The following CDAN1 variants were observed in gnomAD, a reference collection of about 807,000 sequenced individuals.
CDAN1 encodes the protein codanin 1.
Under a neutral mutation model 139.8 loss-of-function variants are expected in CDAN1, and 107 were observed. That is an observed-to-expected ratio of 0.77 (90% CI 0.65 to 0.90). CDAN1 has a LOEUF of 0.90. CDAN1 is among the 40% of genes least tolerant of loss of function. The pLI is 0.00. For synonymous variants in CDAN1, 776 were observed against 660.6 expected, an observed-to-expected ratio of 1.17 and a Z score of -2.68; for missense variants, 1,667 against 1,575.7, an observed-to-expected ratio of 1.06 and a Z score of -0.98.
intron 6 of CDAN1, 114 bp from the exon 7 acceptor site, chr15:42,734,460 A>C: frequency 1.6e-6 from 2 of 1,285,958 alleles, no homozygotes; most frequent in African/African-American, 1.5e-5. Flanking sequence ...GCAAGCCCAG[A>C]TATGTACTGC....
In CDAN1 at chr15:42,735,683, T is replaced by C. The variant is rs2061678378; in HGVS notation, c.774-4A>G. On this transcript the variant is annotated splice_polypyrimidine_tract_variant and splice_region_variant and intron_variant, in intron 3 of 27. Transcript: ENST00000356231. Reference sequence around the variant, plus strand: ...TGACTGCTGCAGCTGCTTAGAGCTATGGAATAAAGAAATTTCATGAGCAGT... The same window carrying C: ...TGACTGCTGCAGCTGCTTAGAGCTACGGAATAAAGAAATTTCATGAGCAGT... 9 of 1,613,736 alleles carry C rather than the reference T, an allele frequency of 5.6e-6. No homozygotes were observed. Among genetic ancestry groups the C allele is most frequent in the East Asian group, 2.2e-5 (1 of 44,870 alleles).
intron 8 of CDAN1, among the ~76,000 whole-genome samples, chr15:42,733,555 G>T (rs1023606220): frequency 2.6e-5 from 4 of 152,142 alleles, no homozygotes; most frequent in Non-Finnish European, 4.4e-5. Flanking sequence ...GATTACAGGC[G>T]TGAGCCACCA....
intron 2 of CDAN1, 34 bp from the exon 3 acceptor site, chr15:42,736,112 C>A: frequency 6.2e-7 from 1 of 1,610,358 alleles, no homozygotes; most frequent in South Asian, 1.1e-5. Flanking sequence ...TTCTCAAATT[C>A]CTATCTTCAA....
chr15:42,733,139 T>C lies in CDAN1; in HGVS notation c.1415A>G (p.Glu472Gly), dbSNP rs2061638318. ...GCCCTTCTCAAAATCCCAGCCAGGC[T>C]CCTCATGGTGATCTTCCCACTCTCG... ...VLREWEDHHE[E>G]PGWDFEKGLG... is the part of the protein sequence containing the mutation. The change falls in exon 9 of 28, where the codon GAG (glutamate) becomes GGG (glycine). Residue 472 changes from glutamate (E) to glycine (G), a missense_variant. Glu to Gly is a moderately conservative substitution (Grantham distance 98). Coordinates refer to ENST00000356231, the MANE Select transcript of CDAN1 (RefSeq NM_138477.4). The C allele has an allele frequency of 3.7e-6, 6 of 1,613,870 alleles. No individual in the cohort carries two copies. The highest frequency in any genetic ancestry group is 5.1e-6 in the Non-Finnish European group (6 of 1,179,988).
At chr15:42,736,143 C>G (rs2061683968) in intron 2 of CDAN1, 65 bp from the exon 3 acceptor site, 1 of 1,583,778 alleles carries the variant, frequency 6.3e-7, no homozygotes, top group South Asian at 1.1e-5. Context: ...TCCACCACCG[C>G]AACAGCTAGA....
intron 12 of CDAN1, 60 bp from the exon 13 acceptor site, chr15:42,731,131 T>TC (rs1346271445): frequency 2.5e-6 from 4 of 1,614,136 alleles, no homozygotes; most frequent in Non-Finnish European, 3.4e-6. Context: ...CAATTCCCGA[T>TC]CTGTTATAAA....
chr15:42,726,479 G>A, intron 23 of CDAN1, 62 bp from the exon 24 acceptor site: 1 of 1,368,558 alleles, frequency 7.3e-7, no homozygotes, highest in Non-Finnish European at 1.0e-6. Context: ...AGAGAATTTG[G>A]CTTGGGACAG....
intron 25 of CDAN1, 80 bp from the exon 26 acceptor site, chr15:42,725,750 C>T (rs1342766318): frequency 1.1e-5 from 16 of 1,450,926 alleles, no homozygotes; most frequent in Admixed American, 3.7e-5. Context: ...CCCAACACTT[C>T]GGGAGGCTGA....
rs754833176 is a variant in CDAN1, at chr15:42,725,264, C to T, written c.3451-13G>A. On this transcript the variant is annotated splice_polypyrimidine_tract_variant and intron_variant, in intron 26 of 27. Transcript: ENST00000356231. The stretch of plus-strand genomic sequence containing the variant: ...GCAGCAAGTCCCACTGCAAAACACA[C>T]CGAGGTCAGGGTTGCTAGGAGGACG... The T allele has an allele frequency of 3.7e-6, 6 of 1,612,532 alleles. No individual in the cohort carries two copies. The East Asian group carries it at 6.7e-5, about 18-fold the overall frequency.
intron 6 of CDAN1, among the ~76,000 whole-genome samples, chr15:42,734,605 A>G (rs1268684585): frequency 6.6e-6 from 1 of 151,940 alleles, no homozygotes; most frequent in Non-Finnish European, 1.5e-5. Context: ...ACAGGGGTCC[A>G]TTTCTTTTTC....
chr15:42,732,316 C>T lies in CDAN1; in HGVS notation c.1533+17G>A, dbSNP rs2140492548. 3 of 1,612,582 alleles carry T rather than the reference C, an allele frequency of 1.9e-6. No homozygotes were observed. The highest frequency in any genetic ancestry group is 1.7e-6 in the Non-Finnish European group (2 of 1,178,622). ...CCTGCTGTTTAATGTGGATTAATCT[C>T]TTGCTGGGGCTGTTACCTGGAGTAG... On this transcript the variant is annotated intron_variant, in intron 10 of 27. Transcript: ENST00000356231.
rs555346760 is a variant in CDAN1 at position 42,730,712 on chromosome 15, C to T, written c.2060G>A (p.Arg687His). ...CCAGGGCACGGTGAGCACCGCCCGG[C>T]GGGCCTGCAGCCCTCGCTGCAGCAG... ...RTLLQRGLQARRAVLTVPWLV... is the reference protein window; with the variant it reads ...RTLLQRGLQAHRAVLTVPWLV... Residue 687 changes from arginine to histidine, a missense_variant, in exon 14 of 28, where the codon CGC becomes CAC. Physicochemically the swap from Arg to His is conservative, Grantham distance 29. Coordinates refer to ENST00000356231, the MANE Select transcript of CDAN1 (RefSeq NM_138477.4). 29 of 1,613,152 alleles carry T rather than the reference C, an allele frequency of 1.8e-5. No homozygotes were observed. The highest frequency in any genetic ancestry group is 5.5e-5 in the South Asian group (5 of 90,974).
Position 42,726,110 on chromosome 15 carries a change from T to A in CDAN1, c.3255A>T (p.Leu1085Phe). Residue 1085 changes from leucine to phenylalanine, a missense_variant, in exon 25 of 28, where the codon TTA (leucine) becomes TTT (phenylalanine). By Grantham distance (22) the Leu-to-Phe change is conservative. Around this residue, in one of 3 missense-constraint regions of CDAN1, gnomAD observed 936 missense variants for 844.1 expected, o/e 1.11. Transcript: ENST00000356231. ...EQHLAKCSVE[L>F]ASLLVADQIP... The stretch of plus-strand genomic sequence containing the variant: ...AAGCAACCATACCGAGGAGGGAAGC[T>A]AACTCCACAGAGCACTTTGCCAGAT... 1 of 1,612,164 alleles carries A rather than the reference T, an allele frequency of 6.2e-7. No individual in the cohort carries two copies.
chr15:42,736,091 G>A lies in CDAN1; in HGVS notation c.570-13C>T, dbSNP rs2061683444. ...AGAAGGCTTCGTCCTGCTGAGAGTA[G>A]CCACAGGTTTTTCTCAAATTCCTAT... On this transcript the variant is annotated splice_polypyrimidine_tract_variant and intron_variant, in intron 2 of 27. Coordinates refer to ENST00000356231, the MANE Select transcript of CDAN1 (RefSeq NM_138477.4). 1.2e-6 allele frequency: 2 copies of A among 1,613,616 alleles called. No homozygotes were observed. The highest frequency in any genetic ancestry group is 8.5e-7 in the Non-Finnish European group (1 of 1,179,580).
At chr15:42,732,877 A>T (rs1195815832) in intron 9 of CDAN1, among the ~76,000 whole-genome samples, 2 of 152,226 alleles carry the variant, frequency 1.3e-5, no homozygotes, top group Non-Finnish European at 2.9e-5. Context: ...GCCACTACAG[A>T]ACAAGGATAA....
chr15:42,725,466 G>C (rs1196264382), intron 26 of CDAN1, 23 bp downstream of exon 26: 1 of 1,613,904 alleles, frequency 6.2e-7, no homozygotes, highest in Admixed American at 1.7e-5. Context: ...ACTGCAGAGG[G>C]CTTCTTGTTC....
chr15:42,729,424 A>C, intron 17 of CDAN1, 62 bp from the exon 18 acceptor site: 1 of 1,610,526 alleles, frequency 6.2e-7, no homozygotes, highest in South Asian at 1.1e-5. Flanking sequence ...AGTATCATGG[A>C]CTTTACTTGT....
Position 42,728,646 on chromosome 15 carries a change from G to C in CDAN1, c.2804+6C>G. ...AGAGTGGATCAAATGGACCAGCGCT[G>C]CTTACTCCCGCCCCAGGGCCAATGC... On this transcript the variant is annotated splice_donor_region_variant and intron_variant, in intron 20 of 27. Transcript: ENST00000356231. The C allele has an allele frequency of 1.2e-6, 2 of 1,613,726 alleles. No homozygotes were observed. Among genetic ancestry groups the C allele is most frequent in the Middle Eastern group, 1.7e-4 (1 of 5,764 alleles).
chr15:42,736,304 T>C lies in CDAN1; in HGVS notation c.567A>G (p.Thr189=). 1 of 1,613,564 alleles carries C rather than the reference T, an allele frequency of 6.2e-7. No homozygotes were observed. The highest frequency in any genetic ancestry group is 8.5e-7 in the Non-Finnish European group (1 of 1,179,904). ...PPVGSVPPGP[T]GTKPSRRINP... ...CCTGCATGAGAGCTGAGTCTCACCCTGTAGGGCCGGGGGGAACCGAGCCTA... is the reference window on the plus strand; with the variant it reads ...CCTGCATGAGAGCTGAGTCTCACCCCGTAGGGCCGGGGGGAACCGAGCCTA... The change falls in exon 2 of 28, where the codon ACA becomes ACG. Residue 189 remains threonine (T), a splice_region_variant and synonymous_variant. Transcript: ENST00000356231.
Sources: gnomAD v4.1 joint callset for allele counts (sites outside exome capture counted in the v4.1 genomes callset) on GRCh38, gnomAD v4.1.1 for gene constraint, gnomAD v4.1.1 regional missense constraint, MANE v1.5 for transcripts, NCBI Gene and HGNC (gene_info 2026-07-23, HGNC 2026-07-21) for gene names.